PELI1: variants seen among roughly 807,000 people sequenced by gnomAD.
PELI1 encodes pellino E3 ubiquitin protein ligase 1.
In PELI1, 15 loss-of-function variants were observed where a neutral mutation model predicts 41.3. The ratio of observed to expected loss-of-function variants is 0.36; its 90% CI spans 0.24 to 0.56. The LOEUF is 0.56. PELI1 is among the 20% of genes least tolerant of loss of function. The probability of loss-of-function intolerance (pLI) is 0.82; values close to 1 mark genes in which losing one functional copy is unlikely to be tolerated. For synonymous variants in PELI1, 178 were observed against 180.1 expected (o/e 0.99, Z 0.09); for missense variants, 403 against 525.5 (o/e 0.77, Z 2.28).
intron 4 of PELI1, 98 bp downstream of exon 4, chr2:64,100,300 T>A: frequency 1.5e-6 from 1 of 676,188 alleles, no homozygotes; most frequent in South Asian, 1.7e-5. Context: ...AAATACAATA[T>A]AAAAATCTGA....
intron 1 of PELI1, among the ~76,000 whole-genome samples, chr2:64,140,976 G>A (rs2103752449): frequency 6.6e-6 from 1 of 151,922 alleles, no homozygotes; most frequent in African/African-American, 2.4e-5. Context: ...ACTACCACAA[G>A]TGTAAAAAAA....
chr2:64,108,279 G>A lies in PELI1; in HGVS notation c.32C>T (p.Ser11Phe). MFSPDQENHPSKAPVKYGELI... is the reference protein window; with the variant it reads MFSPDQENHPFKAPVKYGELI... ...TTCACCATATTTTACTGGTGCTTTA[G>A]ATGGATGATTTTCTTGATCAGGAGA... The change falls in exon 2 of 7, where the codon TCT (serine) becomes TTT (phenylalanine). Residue 11 changes from serine to phenylalanine, a missense_variant. By Grantham distance (155) the Ser-to-Phe change is radical. Coordinates refer to ENST00000358912, the MANE Select transcript of PELI1 (RefSeq NM_020651.4). 3 of 1,606,948 alleles carry A rather than the reference G, an allele frequency of 1.9e-6. No individual in the cohort carries two copies. The highest frequency in any genetic ancestry group is 2.6e-6 in the Non-Finnish European group (3 of 1,173,564).
intron 1 of PELI1, among the ~76,000 whole-genome samples, chr2:64,131,633 T>A (rs540247377): frequency 3.4e-4 from 52 of 151,606 alleles, no homozygotes; most frequent in African/African-American, 1.1e-3. Context: ...TTTTTTTTTT[T>A]AAATTGAGAC....
intron 1 of PELI1, among the ~76,000 whole-genome samples, chr2:64,111,689 T>TA (rs751391153): frequency 4.6e-5 from 7 of 152,196 alleles, no homozygotes. Flanking sequence ...ACCTTCAAGG[T>TA]AAAAACTGAA....
intron 1 of PELI1, among the ~76,000 whole-genome samples, chr2:64,135,662 A>G (rs1445960071): frequency 1.3e-5 from 2 of 152,212 alleles, no homozygotes; most frequent in Non-Finnish European, 2.9e-5. Context: ...CAAGCTGAGA[A>G]GAATAACCTT....
At chr2:64,121,896 A>C (rs1438645371) in intron 1 of PELI1, among the ~76,000 whole-genome samples, 3 of 148,206 alleles carry the variant, frequency 2.0e-5, no homozygotes, top group Non-Finnish European at 3.0e-5. Flanking sequence ...CAAGAGCAAA[A>C]CTCCGTCTTC....
chr2:64,105,444 C>A (rs940795873), intron 2 of PELI1, among the ~76,000 whole-genome samples: 3 of 152,188 alleles, frequency 2.0e-5, no homozygotes, highest in Admixed American at 2.0e-4. Flanking sequence ...TACACATACA[C>A]ACACACACAC....
chr2:64,139,897 C>T (rs6726519), intron 1 of PELI1, among the ~76,000 whole-genome samples: 126,875 of 152,236 alleles, frequency 0.83, 53,443 homozygotes, highest in East Asian at 0.96. Context: ...GTACCCCAAA[C>T]GAAATTTATT....
chr2:64,104,312 A>G (rs1680544579), intron 3 of PELI1, among the ~76,000 whole-genome samples: 1 of 130,330 alleles, frequency 7.7e-6, no homozygotes, highest in South Asian at 2.3e-4. Context: ...CTGAATACAC[A>G]TATTATACAT....
At chr2:64,141,908 T>C (rs777984605) in intron 1 of PELI1, among the ~76,000 whole-genome samples, 1 of 152,240 alleles carries the variant, frequency 6.6e-6, no homozygotes, top group Non-Finnish European at 1.5e-5. Flanking sequence ...AGTAGCTTCC[T>C]TGAAGTACAA....
At chr2:64,141,039 G>GTAA (rs554243329) in intron 1 of PELI1, among the ~76,000 whole-genome samples, 94 of 152,220 alleles carry the variant, frequency 6.2e-4, no homozygotes, top group South Asian at 3.9e-3. Context: ...CTTTGCCTGT[G>GTAA]TAATATATTC....
chr2:64,125,472 A>G (rs763301660), intron 1 of PELI1, among the ~76,000 whole-genome samples: 1 of 152,222 alleles, frequency 6.6e-6, no homozygotes, highest in African/African-American at 2.4e-5. Context: ...CATCGAAGTA[A>G]GCTGAATATT....
chr2:64,096,925 A>C (rs907439597), intron 4 of PELI1, among the ~76,000 whole-genome samples: 13 of 152,230 alleles, frequency 8.5e-5, no homozygotes, highest in Non-Finnish European at 1.6e-4. Flanking sequence ...TTGGATGGAA[A>C]TATGTGTATC....
At position 64,140,807 on chromosome 2, in the gene PELI1, AC is replaced by A. The variant is rs773888583; in HGVS notation, c.-70+3273del. Among the ~76,000 whole-genome samples the A allele has an allele frequency of 1.9e-3, 249 of 132,098 alleles. 51 individuals carry two copies. The highest frequency in any genetic ancestry group is 4.8e-3 in the African/African-American group (161 of 33,422). The allele number at this position is 132,098 out of a possible 152,430, so 86.7% of individuals were successfully genotyped here. ...ACATGCAAAAAAAAAAAACAAACAA[AC>A]AAAAAAAAACCTAGGGGCAGAACTT... On this transcript the variant is annotated intron_variant, in intron 1 of 6. Transcript: ENST00000358912.
rs1439995082 is a variant in PELI1, at chr2:64,093,670, A to C, written c.*1032T>G. Reference sequence around the variant, plus strand: ...AAAACGGGGGCACTATTGTCATTCAACCCTTTAGATCTCTAGATTTCCTAA... The same window carrying C: ...AAAACGGGGGCACTATTGTCATTCACCCCTTTAGATCTCTAGATTTCCTAA... On this transcript the variant is annotated 3_prime_UTR_variant, in exon 7 of 7. Coordinates refer to ENST00000358912, the MANE Select transcript of PELI1 (RefSeq NM_020651.4). The C allele has an allele frequency of 2.0e-5, 3 of 152,662 alleles. No homozygotes were observed. Among genetic ancestry groups the C allele is most frequent in the Admixed American group, 2.0e-4 (3 of 15,280 alleles). 9.5% of individuals were successfully genotyped at this position (152,662 alleles called of 1,614,324 possible).
At chr2:64,114,184 A>T (rs1229007414) in intron 1 of PELI1, among the ~76,000 whole-genome samples, 1 of 152,218 alleles carries the variant, frequency 6.6e-6, no homozygotes, top group East Asian at 1.9e-4. Context: ...ATCTCAGATA[A>T]AACAGATTTC....
intron 1 of PELI1, among the ~76,000 whole-genome samples, chr2:64,138,531 G>C (rs72893165): frequency 1.3e-5 from 2 of 151,918 alleles, no homozygotes; most frequent in Non-Finnish European, 2.9e-5. Flanking sequence ...GTTTCAGACC[G>C]GTCCGGCCAA....
chr2:64,143,274 A>G (rs1377019096), intron 1 of PELI1: 1 of 152,228 alleles, frequency 6.6e-6, no homozygotes, highest in African/African-American at 2.4e-5. Flanking sequence ...TAAGATTCAA[A>G]CACTATGTAA....
Position 64,096,408 on chromosome 2 carries a change from T to C in PELI1, c.501+5A>G. ...AAAGCATCATTTAGAAAAAAAGCTT[T>C]TTACCCCAAGAAAGATGTTTTTTGA... is the stretch of plus-strand genomic sequence containing the variant. On this transcript the variant is annotated splice_donor_5th_base_variant and intron_variant, in intron 5 of 6. Coordinates refer to ENST00000358912, the MANE Select transcript of PELI1 (RefSeq NM_020651.4). 1 of 1,604,944 alleles carries C rather than the reference T, an allele frequency of 6.2e-7. No individual in the cohort carries two copies. Among genetic ancestry groups the C allele is most frequent in the South Asian group, 1.1e-5 (1 of 90,398 alleles).
Sources: allele counts gnomAD v4.1 joint callset (sites outside exome capture counted in the v4.1 genomes callset), GRCh38; gene constraint gnomAD v4.1.1; transcripts MANE v1.5; gene names NCBI Gene and HGNC (gene_info 2026-07-23, HGNC 2026-07-21).